The following SAMD5 variants were observed in gnomAD, a reference collection of about 807,000 sequenced individuals.
The protein encoded by SAMD5 is sterile alpha motif domain-containing protein 5.
SAMD5 carries 13 observed loss-of-function variants against 11.3 expected under a neutral mutation model. The observed-to-expected ratio is 1.15, with a 90% CI of 0.75 to 1.83. The LOEUF is 1.83. SAMD5 is among the 40% of genes most tolerant of loss of function. The probability of loss-of-function intolerance (pLI) is 0.00; values close to 1 mark genes in which losing one functional copy is unlikely to be tolerated. For missense variants in SAMD5, 255 were observed against 239.1 expected, an observed-to-expected ratio of 1.07 and a Z score of -0.44; for synonymous variants, 129 against 111.3, an observed-to-expected ratio of 1.16 and a Z score of -1.00.
At chr6:147,518,667 A>C (rs1356077270) in intron 1 of SAMD5, among the ~76,000 whole-genome samples, 3 of 152,178 alleles carry the variant, frequency 2.0e-5, no homozygotes, top group Admixed American at 6.5e-5. Flanking sequence ...TGGGAACCAT[A>C]ATTGATGACA....
intron 1 of SAMD5, among the ~76,000 whole-genome samples, chr6:147,623,417 A>G (rs1790001936): frequency 6.6e-6 from 1 of 152,258 alleles, no homozygotes; most frequent in Non-Finnish European, 1.5e-5. Flanking sequence ...CAAAAATTGT[A>G]TATCCATATT....
chr6:147,519,382 A>C (rs1377437098), intron 1 of SAMD5, among the ~76,000 whole-genome samples: 1 of 152,202 alleles, frequency 6.6e-6, no homozygotes, highest in Non-Finnish European at 1.5e-5. Context: ...TAAAGCATTT[A>C]ATAATTAAAC....
At chr6:147,834,387 C>T in the SAMD5 span, among the ~76,000 whole-genome samples, 1 of 152,168 alleles carries the variant, frequency 6.6e-6, no homozygotes, top group South Asian at 2.1e-4. Flanking sequence ...TTTGAAGAAG[C>T]ATTCATCTTC....
chr6:147,816,301 A>AAAAAAAAAAAAAAAAAATATAT, the SAMD5 span, among the ~76,000 whole-genome samples: 2 of 66,352 alleles, frequency 3.0e-5, no homozygotes, highest in African/African-American at 1.0e-4. Flanking sequence ...AAAAAAAAAA[A>AAAAAAAAAAAAAAAAAATATAT]ATATATATAT....
intron 1 of SAMD5, among the ~76,000 whole-genome samples, chr6:147,681,965 G>T (rs1254745389): frequency 6.6e-6 from 1 of 152,124 alleles, no homozygotes; most frequent in Non-Finnish European, 1.5e-5. Flanking sequence ...CTGGGTAGTT[G>T]GGTTAGTAAC....
At chr6:147,694,433 A>C (rs1791146663) in intron 1 of SAMD5, among the ~76,000 whole-genome samples, 1 of 152,184 alleles carries the variant, frequency 6.6e-6, no homozygotes, top group Non-Finnish European at 1.5e-5. Flanking sequence ...GGGATGTGAT[A>C]GGTTGGTGGT....
At chr6:147,666,057 G>A (rs189687891) in intron 1 of SAMD5, among the ~76,000 whole-genome samples, 1 of 152,218 alleles carries the variant, frequency 6.6e-6, no homozygotes, top group Non-Finnish European at 1.5e-5. Flanking sequence ...TCCCGCCTCG[G>A]CCTCCCGAGT....
the SAMD5 span, among the ~76,000 whole-genome samples, chr6:147,762,318 C>G: frequency 6.6e-6 from 1 of 152,222 alleles, no homozygotes; most frequent in African/African-American, 2.4e-5. Flanking sequence ...CATGCCTCAG[C>G]CTCCTGAGCA....
At chr6:147,547,038 CT>C (rs954264107) in intron 1 of SAMD5, among the ~76,000 whole-genome samples, 24 of 152,298 alleles carry the variant, frequency 1.6e-4, no homozygotes, top group African/African-American at 5.1e-4. Context: ...TGGGTCCTGC[CT>C]TTCCATCACT....
chr6:147,798,375 G>C, the SAMD5 span, among the ~76,000 whole-genome samples: 12 of 150,492 alleles, frequency 8.0e-5, no homozygotes, highest in Non-Finnish European at 1.5e-5. Flanking sequence ...TAGTTGAGCG[G>C]TTTTGAGTGA....
At chr6:147,611,859 G>A (rs1789791560) in intron 1 of SAMD5, among the ~76,000 whole-genome samples, 1 of 152,150 alleles carries the variant, frequency 6.6e-6, no homozygotes, top group African/African-American at 2.4e-5. Flanking sequence ...CAGCTTCATG[G>A]AGATGAAAGT....
the SAMD5 span, among the ~76,000 whole-genome samples, chr6:147,836,605 C>CA: frequency 6.6e-6 from 1 of 152,050 alleles, no homozygotes; most frequent in Admixed American, 6.5e-5. Flanking sequence ...CTGAAAGTGA[C>CA]AAAAATAATG....
the SAMD5 span, among the ~76,000 whole-genome samples, chr6:147,744,053 G>A: frequency 1.3e-5 from 2 of 152,202 alleles, no homozygotes; most frequent in Non-Finnish European, 2.9e-5. Flanking sequence ...CGTAACTAAT[G>A]TATGGAATAG....
chr6:147,612,721 T>C (rs575137747), intron 1 of SAMD5, among the ~76,000 whole-genome samples: 3 of 152,320 alleles, frequency 2.0e-5, no homozygotes, highest in Admixed American at 2.0e-4. Flanking sequence ...CTGTGTAAAA[T>C]TGGATAAATC....
chr6:147,930,473 G>A, the SAMD5 span, among the ~76,000 whole-genome samples: 15 of 152,194 alleles, frequency 9.9e-5, no homozygotes, highest in African/African-American at 3.4e-4. Flanking sequence ...CCTGACACAC[G>A]TTTCTATAAT....
chr6:147,789,764 T>A, the SAMD5 span, among the ~76,000 whole-genome samples: 1,374 of 152,342 alleles, frequency 9.0e-3, 21 homozygotes, highest in African/African-American at 0.031. Flanking sequence ...GACCTCCTTG[T>A]TTTTGATGAC....
intron 1 of SAMD5, among the ~76,000 whole-genome samples, chr6:147,518,786 G>A (rs181772728): frequency 5.3e-5 from 8 of 152,270 alleles, no homozygotes; most frequent in Admixed American, 5.2e-4. Context: ...GAGTTGAAAG[G>A]TTTTTATCAG....
chr6:147,734,761 A>G (rs1583158586), intron 1 of SAMD5, among the ~76,000 whole-genome samples: 1 of 150,674 alleles, frequency 6.6e-6, no homozygotes, highest in African/African-American at 2.4e-5. Context: ...ACACAAATCA[A>G]ATATCTGGAT....
chr6:147,945,889 T>G, the SAMD5 span, among the ~76,000 whole-genome samples: 1 of 152,194 alleles, frequency 6.6e-6, no homozygotes, highest in Admixed American at 6.5e-5. Context: ...AGCTTGTGTA[T>G]GTGAAGAAAT....
Sources: allele counts gnomAD v4.1 joint callset (sites outside exome capture counted in the v4.1 genomes callset), GRCh38; gene constraint gnomAD v4.1.1; transcripts MANE v1.5; gene names NCBI Gene and HGNC (gene_info 2026-07-23, HGNC 2026-07-21).